FAF1: variants seen among roughly 807,000 people sequenced by gnomAD.
The protein encoded by FAF1 is Fas associated factor 1.
Under a neutral mutation model 92.5 loss-of-function variants are expected in FAF1, and 25 were observed. That is an observed-to-expected ratio of 0.27 (90% confidence interval 0.20 to 0.38). FAF1 has a LOEUF of 0.38. FAF1 is among the 10% of genes least tolerant of loss of function. The probability of loss-of-function intolerance (pLI) is 1.00; values close to 1 mark genes in which losing one functional copy is unlikely to be tolerated. For missense variants in FAF1, 636 were observed against 793.3 expected (o/e 0.80, Z 2.38); for synonymous variants, 234 against 273.2 (o/e 0.86, Z 1.42).
chr1:50,704,686 T>A (rs2124421974), intron 7 of FAF1, among the ~76,000 whole-genome samples: 1 of 151,980 alleles, frequency 6.6e-6, no homozygotes, highest in African/African-American at 2.4e-5. Flanking sequence ...TGAAAAAAAA[T>A]TAAATAACGC....
At chr1:50,885,626 T>C (rs866529814) in intron 1 of FAF1, among the ~76,000 whole-genome samples, 3 of 152,180 alleles carry the variant, frequency 2.0e-5, no homozygotes, top group Non-Finnish European at 2.9e-5. Flanking sequence ...GGTCTTGTTT[T>C]TGTATCCATT....
intron 6 of FAF1, among the ~76,000 whole-genome samples, chr1:50,723,143 G>A (rs1658483432): frequency 6.6e-6 from 1 of 152,144 alleles, no homozygotes; most frequent in African/African-American, 2.4e-5. Flanking sequence ...GCTCACGCTT[G>A]TAATCCTAGT....
At position 50,596,166 on chromosome 1, in the gene FAF1, C is replaced by A. The variant is rs1651804812; in HGVS notation, c.795G>T (p.Val265=). 6.2e-7 allele frequency: 1 copy of A among 1,613,818 alleles called. No homozygotes were observed. Among genetic ancestry groups the A allele is most frequent in the Non-Finnish European group, 8.5e-7 (1 of 1,179,936 alleles). The change falls in exon 9 of 19, where the codon GTG becomes GTT. Residue 265 remains valine, a synonymous_variant. Coordinates refer to ENST00000396153, the MANE Select transcript of FAF1 (RefSeq NM_007051.3). ...TCTGTGCAGGTGAAGATCTTCTTCC[C>A]ACTGTAAGTCGATGGCAGGGATAAG... ...GLSYPCHRLT[V]GRRSSPAQTR... is the part of the protein sequence containing the mutation.
intron 8 of FAF1, among the ~76,000 whole-genome samples, chr1:50,654,617 G>A (rs1173656082): frequency 6.6e-6 from 1 of 152,116 alleles, no homozygotes; most frequent in African/African-American, 2.4e-5. Flanking sequence ...AAATTTATGG[G>A]TATGTTTGAG....
chr1:50,913,943 G>C (rs1380233102), intron 1 of FAF1, among the ~76,000 whole-genome samples: 2 of 152,162 alleles, frequency 1.3e-5, no homozygotes, highest in Non-Finnish European at 2.9e-5. Context: ...CTACCAGGAA[G>C]AAGATGCTCT....
At chr1:50,781,819 T>C (rs1037506808) in intron 4 of FAF1, among the ~76,000 whole-genome samples, 1 of 152,136 alleles carries the variant, frequency 6.6e-6, no homozygotes, top group Non-Finnish European at 1.5e-5. Context: ...CAAAATAAAA[T>C]GAAGCAAAAA....
At chr1:50,746,128 T>C (rs1659575563) in intron 4 of FAF1, among the ~76,000 whole-genome samples, 1 of 151,052 alleles carries the variant, frequency 6.6e-6, no homozygotes, top group Non-Finnish European at 1.5e-5. Flanking sequence ...AAGTTGAGAA[T>C]GATGACTTAG....
chr1:50,528,196 A>G (rs1365572945), intron 15 of FAF1, among the ~76,000 whole-genome samples: 2 of 152,010 alleles, frequency 1.3e-5, no homozygotes, highest in South Asian at 2.1e-4. Context: ...TTAGCTTCTT[A>G]TGGCCAATTT....
At chr1:50,835,953 G>C (rs1644197259) in intron 2 of FAF1, among the ~76,000 whole-genome samples, 1 of 152,098 alleles carries the variant, frequency 6.6e-6, no homozygotes, top group Non-Finnish European at 1.5e-5. Flanking sequence ...GGTTGATACA[G>C]GGAAGACTGC....
At chr1:50,595,053 T>A (rs1651731770) in intron 9 of FAF1, among the ~76,000 whole-genome samples, 1 of 151,772 alleles carries the variant, frequency 6.6e-6, no homozygotes. Context: ...TTATTATCTT[T>A]TTATTTTTAT....
At chr1:50,914,522 T>C (rs564485079) in intron 1 of FAF1, among the ~76,000 whole-genome samples, 1 of 152,312 alleles carries the variant, frequency 6.6e-6, no homozygotes, top group Admixed American at 6.5e-5. Context: ...ATGTGACAGA[T>C]AAAACAGGCA....
chr1:50,838,363 A>C (rs1460057228), intron 2 of FAF1, among the ~76,000 whole-genome samples: 2 of 151,380 alleles, frequency 1.3e-5, no homozygotes, highest in African/African-American at 2.4e-5. Flanking sequence ...CATATATTAC[A>C]TTAACTTATA....
intron 2 of FAF1, among the ~76,000 whole-genome samples, chr1:50,826,522 C>A (rs1276686405): frequency 6.6e-6 from 1 of 151,292 alleles, no homozygotes; most frequent in Non-Finnish European, 1.5e-5. Flanking sequence ...TGCACTGGAG[C>A]CACCTGGGAG....
intron 8 of FAF1, among the ~76,000 whole-genome samples, chr1:50,652,172 C>G (rs1654894429): frequency 6.6e-6 from 1 of 152,130 alleles, no homozygotes; most frequent in African/African-American, 2.4e-5. Context: ...TAGGGATTCC[C>G]TCTTGTGTTT....
At chr1:50,546,303 TATTAA>T (rs1649013107) in intron 13 of FAF1, among the ~76,000 whole-genome samples, 1 of 152,212 alleles carries the variant, frequency 6.6e-6, no homozygotes, top group African/African-American at 2.4e-5. Context: ...AAAAGGAAGG[TATTAA>T]ATTGTGTTTA....
chr1:50,516,463 T>C (rs981276803), intron 15 of FAF1, among the ~76,000 whole-genome samples: 1 of 152,188 alleles, frequency 6.6e-6, no homozygotes, highest in East Asian at 1.9e-4. Context: ...CTTGGACTTG[T>C]CACATGGCAG....
At chr1:50,890,097 C>T (rs1010237226) in intron 1 of FAF1, among the ~76,000 whole-genome samples, 8 of 152,154 alleles carry the variant, frequency 5.3e-5, no homozygotes, top group African/African-American at 1.4e-4. Flanking sequence ...TCTTGTTGAA[C>T]TGATCCCTTT....
At chr1:50,447,883 T>C (rs187082198) in intron 18 of FAF1, among the ~76,000 whole-genome samples, 1 of 152,358 alleles carries the variant, frequency 6.6e-6, no homozygotes, top group African/African-American at 2.4e-5. Context: ...CTGTACATTA[T>C]CTAATGTTAT....
chr1:50,632,328 T>A (rs997072761), intron 8 of FAF1, among the ~76,000 whole-genome samples: 1 of 152,120 alleles, frequency 6.6e-6, no homozygotes, highest in African/African-American at 2.4e-5. Flanking sequence ...TAGAAACGAG[T>A]AACACAAATC....
Sources: allele counts gnomAD v4.1 joint callset (sites outside exome capture counted in the v4.1 genomes callset), GRCh38; gene constraint gnomAD v4.1.1; transcripts MANE v1.5; gene names NCBI Gene and HGNC (gene_info 2026-07-23, HGNC 2026-07-21).